DPP6: variants seen among roughly 807,000 people sequenced by gnomAD.
The protein encoded by DPP6 is dipeptidyl peptidase like 6, also known as A-type potassium channel modulatory protein DPP6.
Under a neutral mutation model 122.6 loss-of-function variants are expected in DPP6, and 69 were observed. That is an observed-to-expected ratio of 0.56 (90% CI 0.46 to 0.69). The LOEUF (loss-of-function observed/expected upper bound fraction) is 0.69. Among genes scored for constraint, DPP6 ranks in the 30% least tolerant of loss-of-function variants. The pLI is 0.00. For synonymous variants in DPP6, 418 were observed against 433.1 expected, an observed-to-expected ratio of 0.97 and a Z score of 0.43; for missense variants, 928 against 1,116.9, an observed-to-expected ratio of 0.83 and a Z score of 2.41.
At chr7:153,904,727 A>G (rs1022009574) in intron 1 of DPP6, among the ~76,000 whole-genome samples, 1 of 152,222 alleles carries the variant, frequency 6.6e-6, no homozygotes, top group African/African-American at 2.4e-5. Flanking sequence ...GCAGAAATAG[A>G]CAGTGATTAC....
At chr7:153,855,213 A>G in the DPP6 span, among the ~76,000 whole-genome samples, 6 of 151,316 alleles carry the variant, frequency 4.0e-5, no homozygotes, top group Admixed American at 2.0e-4. Flanking sequence ...CAATGTGCAC[A>G]TGTACCCTAA....
the DPP6 span, among the ~76,000 whole-genome samples, chr7:153,804,455 T>C: frequency 6.6e-6 from 1 of 152,218 alleles, no homozygotes; most frequent in Admixed American, 6.5e-5. Flanking sequence ...AGAATTAGGA[T>C]GGATCTTTAC....
intron 1 of DPP6, among the ~76,000 whole-genome samples, chr7:154,188,458 TACAATCTAGTGGGGGTGAGAGACAAATA>T (rs1320289701): frequency 6.6e-6 from 1 of 152,134 alleles, no homozygotes; most frequent in Non-Finnish European, 1.5e-5. Context: ...AGGGACAAAT[TACAATCTAGTGGGGGTGAGAGACAAATA>T]GTAACTGTGT....
At chr7:154,043,641 G>C (rs1482799859) in intron 1 of DPP6, among the ~76,000 whole-genome samples, 1 of 149,090 alleles carries the variant, frequency 6.7e-6, no homozygotes, top group Non-Finnish European at 1.5e-5. Context: ...TTATCCTAGG[G>C]ATTTGAATAT....
intron 2 of DPP6, among the ~76,000 whole-genome samples, chr7:154,452,215 G>C (rs927259116): frequency 6.6e-6 from 1 of 152,224 alleles, no homozygotes; most frequent in East Asian, 1.9e-4. Context: ...TAGAGTCCAC[G>C]TAAAGACAAT....
intron 2 of DPP6, among the ~76,000 whole-genome samples, chr7:154,450,681 A>G (rs935787590): frequency 3.3e-5 from 5 of 152,198 alleles, no homozygotes; most frequent in African/African-American, 1.2e-4. Context: ...CAGGAAACAG[A>G]TCCCTGCACC....
At chr7:153,846,082 A>C in the DPP6 span, among the ~76,000 whole-genome samples, 2 of 152,170 alleles carry the variant, frequency 1.3e-5, no homozygotes, top group African/African-American at 4.8e-5. Flanking sequence ...AATTAGTTTT[A>C]TTTGTACTTT....
At chr7:154,779,998 T>C (rs556723308) in intron 10 of DPP6, among the ~76,000 whole-genome samples, 1 of 152,368 alleles carries the variant, frequency 6.6e-6, no homozygotes, top group South Asian at 2.1e-4. Context: ...ATCTCTGTTT[T>C]CACCTTGTGT....
chr7:153,761,512 A>G, the DPP6 span, among the ~76,000 whole-genome samples: 1 of 152,182 alleles, frequency 6.6e-6, no homozygotes, highest in Non-Finnish European at 1.5e-5. Flanking sequence ...CCACTTTTCC[A>G]AACTTTTTCA....
chr7:154,071,221 G>T (rs367881941), intron 1 of DPP6, among the ~76,000 whole-genome samples: 8 of 152,134 alleles, frequency 5.3e-5, no homozygotes, highest in East Asian at 3.9e-4. Flanking sequence ...GGAAAAAGGA[G>T]AAAGGGAAGC....
At position 154,880,931 on chromosome 7, in the gene DPP6, G is replaced by A. The variant is rs746793201; in HGVS notation, c.2122G>A (p.Val708Met). The stretch of plus-strand genomic sequence containing the variant: ...GTACATTGACAGGACGCGCGTGGCC[G>A]TGTTTGGGAAGGTGAGTCTGCGCCA... ...EQYIDRTRVA[V>M]FGKDYGGYLS... is the part of the protein sequence containing the mutation. Residue 708 changes from valine to methionine, a missense_variant, in exon 21 of 26, where the codon GTG becomes ATG. Val to Met is a conservative substitution (Grantham distance 21, BLOSUM62 1). Coordinates refer to ENST00000377770, the MANE Select transcript of DPP6 (RefSeq NM_130797.4). The A allele has an allele frequency of 9.9e-6, 16 of 1,613,822 alleles. No individual in the cohort carries two copies. The highest frequency in any genetic ancestry group is 1.1e-5 in the Non-Finnish European group (13 of 1,179,880).
chr7:154,432,132 C>T (rs1387874851), intron 1 of DPP6, among the ~76,000 whole-genome samples: 1 of 152,170 alleles, frequency 6.6e-6, no homozygotes, highest in East Asian at 1.9e-4. Flanking sequence ...AATCACAGTA[C>T]AAGTAGTTTA....
At chr7:154,017,720 A>T (rs1474598026) in intron 1 of DPP6, among the ~76,000 whole-genome samples, 1 of 120,392 alleles carries the variant, frequency 8.3e-6, no homozygotes, top group African/African-American at 4.0e-5. Flanking sequence ...AAAAAAAAAT[A>T]AAAAAATAAA....
At position 153,955,003 on chromosome 7, in the gene DPP6, G is replaced by A. The variant is rs1376481622; in HGVS notation, c.51+67269G>A. On this transcript the variant is annotated intron_variant, in intron 1 of 25. Coordinates refer to the DPP6 transcript ENST00000404039. ...GTCAGAAGTGATGGTTGGTGGGTGT[G>A]TAGCATTGGGGCAAATTGATATTTA... Among the ~76,000 whole-genome samples, 6 of 152,304 alleles carry A rather than the reference G, an allele frequency of 3.9e-5. No individual in the cohort carries two copies. The East Asian group carries it at 9.7e-4, about 25-fold the overall frequency.
chr7:154,349,783 A>G (rs1267357513), intron 1 of DPP6, among the ~76,000 whole-genome samples: 1 of 152,186 alleles, frequency 6.6e-6, no homozygotes, highest in East Asian at 1.9e-4. Flanking sequence ...ACCTCTGTAA[A>G]GATTCTTCCT....
intron 1 of DPP6, among the ~76,000 whole-genome samples, chr7:154,411,736 G>A (rs1816619881): frequency 6.6e-6 from 1 of 152,048 alleles, no homozygotes; most frequent in African/African-American, 2.4e-5. Flanking sequence ...TTGTTTATAG[G>A]CCGTTATTAA....
chr7:154,162,150 G>T (rs1797014123), intron 1 of DPP6, among the ~76,000 whole-genome samples: 2 of 149,030 alleles, frequency 1.3e-5, no homozygotes, highest in Non-Finnish European at 3.0e-5. Flanking sequence ...GTGGTGTGGG[G>T]CAGAGGGCTA....
intron 5 of DPP6, among the ~76,000 whole-genome samples, chr7:154,575,800 GTGTT>G (rs1373483912): frequency 2.7e-5 from 4 of 150,828 alleles, no homozygotes; most frequent in Middle Eastern, 3.2e-3. Flanking sequence ...GTGTATCTGT[GTGTT>G]TGTGTGTGTA....
the DPP6 span, among the ~76,000 whole-genome samples, chr7:153,860,072 C>A: frequency 6.6e-6 from 1 of 152,122 alleles, no homozygotes; most frequent in African/African-American, 2.4e-5. Flanking sequence ...AGCTATCACT[C>A]AATTTAGGTT....
Sources: allele counts gnomAD v4.1 joint callset (sites outside exome capture counted in the v4.1 genomes callset), GRCh38; gene constraint gnomAD v4.1.1; transcripts MANE v1.5; gene names NCBI Gene and HGNC (gene_info 2026-07-23, HGNC 2026-07-21).